Variants in CAPN11 observed in about 807,000 individuals in gnomAD.
The protein encoded by CAPN11 is calpain-11.
Under a neutral mutation model 105.3 loss-of-function variants are expected in CAPN11, and 108 were observed. That is an observed-to-expected ratio of 1.03 (90% CI 0.88 to 1.20). CAPN11 has a LOEUF of 1.20. CAPN11 is among the 50% of genes most tolerant of loss of function. The pLI, the probability that CAPN11 is intolerant of heterozygous loss-of-function variation, is 0.00. For synonymous variants in CAPN11, 329 were observed against 344.5 expected, an observed-to-expected ratio of 0.96 and a Z score of 0.50; for missense variants, 883 against 924.8, an observed-to-expected ratio of 0.95 and a Z score of 0.59.
chr6:44,182,411 A>C (rs1773925951), intron 19 of CAPN11, among the ~76,000 whole-genome samples: 1 of 152,232 alleles, frequency 6.6e-6, no homozygotes, highest in African/African-American at 2.4e-5. Context: ...AGTATAGCTC[A>C]GGTATCATCT....
rs534881129 is a variant in CAPN11, at chr6:44,164,032, CAG to C, written c.17-2725_17-2724del. On this transcript the variant is annotated intron_variant, in intron 1 of 22. Transcript: ENST00000398776. Reference sequence around the variant, plus strand: ...TTTTTTAATTTTTATTTTGTAGACACAGGGGTCTCACCATGTTCCCCTTGCTG... The same window carrying C: ...TTTTTTAATTTTTATTTTGTAGACACGGGTCTCACCATGTTCCCCTTGCTG... Among the ~76,000 whole-genome samples, 140 of 152,166 alleles carry C rather than the reference CAG, an allele frequency of 9.2e-4. 2 individuals carry two copies. Among genetic ancestry groups the C allele is most frequent in the African/African-American group, 3.2e-3 (132 of 41,492 alleles).
Position 44,180,672 on chromosome 6 carries a change from C to T in CAPN11, c.1746+10C>T, listed in dbSNP as rs1353504843. On this transcript the variant is annotated intron_variant, in intron 16 of 22. Transcript: ENST00000398776. Reference sequence around the variant, plus strand: ...GATAGTGGCAGGAGAGGTGAGCAGGCCACGAGCGGAGGGCTGACAGGAGGG... The same window carrying T: ...GATAGTGGCAGGAGAGGTGAGCAGGTCACGAGCGGAGGGCTGACAGGAGGG... 1.2e-6 allele frequency: 2 copies of T among 1,613,604 alleles called. No individual in the cohort carries two copies. The highest frequency in any genetic ancestry group is 3.3e-5 in the Admixed American group (2 of 59,978).
chr6:44,176,475 C>G (rs770217352), intron 9 of CAPN11, 106 bp from the exon 10 acceptor site: 9 of 1,312,848 alleles, frequency 6.9e-6, no homozygotes, highest in Non-Finnish European at 9.9e-6. Flanking sequence ...CCATCTAGCT[C>G]CGCACCCCAG....
Position 44,167,851 on chromosome 6 carries a change from G to A in CAPN11, c.88+1022G>A, listed in dbSNP as rs148148365. On this transcript the variant is annotated intron_variant, in intron 2 of 22. Coordinates refer to ENST00000398776, the MANE Select transcript of CAPN11 (RefSeq NM_007058.4). The stretch of plus-strand genomic sequence containing the variant: ...AGATAATTTGAGCCCAGGAGGTCAA[G>A]GCTGCAGTGAGCCATGATCAAGCCA... 4.8e-3 allele frequency among the ~76,000 whole-genome samples: 724 copies of A among 152,120 alleles called. 5 individuals carry two copies. The highest frequency in any genetic ancestry group is 8.2e-3 in the Non-Finnish European group (560 of 68,000).
chr6:44,174,557 G>GA lies in CAPN11; in HGVS notation c.831+1182dup, dbSNP rs372510953. ...AAGAAATTAATTAGCTGAGAAAAAAGAAAAAAAAAAAGACAATCCCCTCCA... is the reference window on the plus strand; with the variant it reads ...AAGAAATTAATTAGCTGAGAAAAAAGAAAAAAAAAAAAGACAATCCCCTCCA... On this transcript the variant is annotated intron_variant, in intron 7 of 22. Coordinates refer to ENST00000398776, the MANE Select transcript of CAPN11 (RefSeq NM_007058.4). Among the ~76,000 whole-genome samples the GA allele has an allele frequency of 1.2e-3, 87 of 72,984 alleles. 1 individual carries two copies. The highest frequency in any genetic ancestry group is 1.5e-3 in the African/African-American group (31 of 20,052). 47.9% of individuals were successfully genotyped at this position (72,984 alleles called of 152,430 possible). A position where few individuals can be genotyped will look rare whatever the true frequency, so the allele number is the denominator to read the frequency against.
rs920359037 is a variant in CAPN11, at chr6:44,183,202, A to G, written c.2101A>G (p.Ile701Val). ...CCTGATCATAGACTTTGACAGCTTC[A>G]TCAGCTGTTTCCTGAGGCTAAAGAC... ...DDLIIDFDSF[I>V]SCFLRLKTMF... Residue 701 changes from isoleucine to valine, a missense_variant, in exon 21 of 23, where the codon ATC becomes GTC. Ile to Val is a conservative substitution (Grantham distance 29). Transcript: ENST00000398776. The G allele has an allele frequency of 2.5e-6, 4 of 1,612,176 alleles. No homozygotes were observed.
chr6:44,173,308 C>T lies in CAPN11; in HGVS notation c.753C>T (p.Leu251=), dbSNP rs1009525648. ...FTGGVAQSFQ[L]QRPPQNLLRL... ...GAGGCGTGGCCCAGAGCTTCCAACT[C>T]CAGAGGCCCCCTCAGAACCTGCTCA... The change falls in exon 7 of 23, where the codon CTC becomes CTT. Residue 251 remains leucine, a synonymous_variant. Transcript: ENST00000398776. 3.1e-6 allele frequency: 5 copies of T among 1,613,830 alleles called. No homozygotes were observed. Among genetic ancestry groups the T allele is most frequent in the Non-Finnish European group, 4.2e-6 (5 of 1,179,882 alleles).
chr6:44,181,740 ACT>A (rs1166212239), intron 19 of CAPN11, among the ~76,000 whole-genome samples: 1 of 28,458 alleles, frequency 3.5e-5, no homozygotes, highest in South Asian at 6.8e-4. Flanking sequence ...ACCACACCAC[ACT>A]CACACACACA....
chr6:44,161,383 A>T (rs951771145), intron 1 of CAPN11, among the ~76,000 whole-genome samples: 5 of 152,148 alleles, frequency 3.3e-5, no homozygotes, highest in Non-Finnish European at 7.3e-5. Flanking sequence ...TGTTCTTAGT[A>T]GAGACGGGGT....
In CAPN11 at chr6:44,173,647, A is replaced by G. The variant is rs1372429899; in HGVS notation, c.831+261A>G. Among the ~76,000 whole-genome samples the G allele has an allele frequency of 2.0e-5, 3 of 150,696 alleles. No homozygotes were observed. The East Asian group carries it at 5.8e-4, about 29-fold the overall frequency. On this transcript the variant is annotated intron_variant, in intron 7 of 22. Coordinates refer to ENST00000398776, the MANE Select transcript of CAPN11 (RefSeq NM_007058.4). ...TCCCAGGCTGGAGTGCAGTGGCAAGATCTCGGCTCACTGCAACCTCCACCT... is the reference window on the plus strand; with the variant it reads ...TCCCAGGCTGGAGTGCAGTGGCAAGGTCTCGGCTCACTGCAACCTCCACCT...
intron 12 of CAPN11, among the ~76,000 whole-genome samples, chr6:44,177,740 G>C (rs565697498): frequency 3.3e-4 from 50 of 152,174 alleles, no homozygotes; most frequent in Non-Finnish European, 4.1e-4. Context: ...GCCTGTCTCG[G>C]CCTCCCAAAG....
chr6:44,172,252 C>A, intron 4 of CAPN11, 50 bp from the exon 5 acceptor site: 1 of 1,276,854 alleles, frequency 7.8e-7, no homozygotes, highest in Non-Finnish European at 1.1e-6. Flanking sequence ...GAGGCCCACC[C>A]ACACATATGG....
chr6:44,162,016 C>A (rs1768923066), intron 1 of CAPN11: 4 of 412,600 alleles, frequency 9.7e-6, no homozygotes, highest in Non-Finnish European at 2.0e-5. Flanking sequence ...CAGCAGCATC[C>A]CTGGCCTCTA....
chr6:44,166,237 G>C (rs1769823235), intron 1 of CAPN11, among the ~76,000 whole-genome samples: 1 of 152,176 alleles, frequency 6.6e-6, no homozygotes, highest in Non-Finnish European at 1.5e-5. Flanking sequence ...GATGGGGCAG[G>C]TTCTGCCAGC....
intron 19 of CAPN11, 69 bp downstream of exon 19, chr6:44,181,389 G>A: frequency 8.0e-7 from 1 of 1,256,942 alleles, no homozygotes; most frequent in Non-Finnish European, 1.1e-6. Context: ...TGGAACTAAT[G>A]AGGGGAAGCT....
At position 44,165,197 on chromosome 6, in the gene CAPN11, A is replaced by G. The variant is rs144223341; in HGVS notation, c.17-1561A>G. On this transcript the variant is annotated intron_variant, in intron 1 of 22. Transcript: ENST00000398776. ...AGCCACCATGCTGCCCCAGGTTTGC[A>G]TTTTCAAAATCTCAGCTAACACTGT... Among the ~76,000 whole-genome samples, 361 of 152,278 alleles carry G rather than the reference A, an allele frequency of 2.4e-3. 2 individuals carry two copies. The highest frequency in any genetic ancestry group is 8.4e-3 in the African/African-American group (348 of 41,572).
intron 4 of CAPN11, among the ~76,000 whole-genome samples, chr6:44,171,034 T>G (rs1472439490): frequency 6.6e-6 from 1 of 152,168 alleles, no homozygotes; most frequent in Non-Finnish European, 1.5e-5. Context: ...CTGTGGCCGC[T>G]GTGGCTCAGT....
chr6:44,176,606 T>C lies in CAPN11; in HGVS notation c.1027T>C (p.Ser343Pro). The C allele has an allele frequency of 6.2e-7, 1 of 1,611,344 alleles. No individual in the cohort carries two copies. The highest frequency in any genetic ancestry group is 2.2e-5 in the East Asian group (1 of 44,772). ...DSAREWEEVASDIQMQLLHKT... is the reference protein window; with the variant it reads ...DSAREWEEVAPDIQMQLLHKT... ...TGCCAGGGAGTGGGAAGAGGTGGCCTCAGACATCCAGATGCAGCTGCTGCA... is the reference window on the plus strand; with the variant it reads ...TGCCAGGGAGTGGGAAGAGGTGGCCCCAGACATCCAGATGCAGCTGCTGCA... The change falls in exon 10 of 23, where the codon TCA becomes CCA. Residue 343 changes from serine to proline, a missense_variant. By Grantham distance (74) the Ser-to-Pro change is moderately conservative. Coordinates refer to ENST00000398776, the MANE Select transcript of CAPN11 (RefSeq NM_007058.4).
At chr6:44,159,302 C>T (rs1768278306) in intron 1 of CAPN11, among the ~76,000 whole-genome samples, 1 of 152,140 alleles carries the variant, frequency 6.6e-6, no homozygotes, top group Admixed American at 6.5e-5. Context: ...GCAGGTCCCT[C>T]AGCCCAGGAA....
Sources: allele counts gnomAD v4.1 joint callset (sites outside exome capture counted in the v4.1 genomes callset), GRCh38; gene constraint gnomAD v4.1.1; transcripts MANE v1.5; gene names NCBI Gene and HGNC (gene_info 2026-07-23, HGNC 2026-07-21).